Variants in DCAF1 observed in about 807,000 individuals in gnomAD.
DCAF1 encodes the protein DDB1- and CUL4-associated factor 1.
Under a neutral mutation model 128.0 loss-of-function variants are expected in DCAF1, and 15 were observed. That is an observed-to-expected ratio of 0.12 (90% CI 0.08 to 0.18). The LOEUF is 0.18. DCAF1 is among the 10% of genes least tolerant of loss of function. The pLI is 1.00. For missense variants in DCAF1, 988 were observed against 1,649.5 expected (o/e 0.60, Z 6.95); for synonymous variants, 610 against 603.0 (o/e 1.01, Z -0.17).
At chr3:51,463,592 G>A (rs1703831728) in intron 5 of DCAF1, among the ~76,000 whole-genome samples, 1 of 151,956 alleles carries the variant, frequency 6.6e-6, no homozygotes, top group African/African-American at 2.4e-5. Context: ...AAACCAGCCT[G>A]GACAACACGG....
At chr3:51,468,123 C>T (rs552795452) in intron 4 of DCAF1, among the ~76,000 whole-genome samples, 7 of 152,190 alleles carry the variant, frequency 4.6e-5, no homozygotes, top group Non-Finnish European at 1.0e-4. Flanking sequence ...CAACTCAATG[C>T]ATAGCCTAAC....
intron 2 of DCAF1, among the ~76,000 whole-genome samples, chr3:51,485,703 G>C (rs781902823): frequency 2.6e-5 from 4 of 152,060 alleles, no homozygotes; most frequent in Non-Finnish European, 4.4e-5. Flanking sequence ...AGAAATACAT[G>C]TAAAAGATGA....
chr3:51,409,419 A>T (rs1698197971), intron 23 of DCAF1, among the ~76,000 whole-genome samples: 1 of 152,158 alleles, frequency 6.6e-6, no homozygotes. Context: ...CCTCAAAGAC[A>T]GACACCAGGC....
chr3:51,426,582 C>A (rs982393035), intron 13 of DCAF1, among the ~76,000 whole-genome samples: 30 of 152,076 alleles, frequency 2.0e-4, no homozygotes, highest in African/African-American at 6.5e-4. Flanking sequence ...AACACAAAAA[C>A]AAAAGCCTTT....
intron 10 of DCAF1, among the ~76,000 whole-genome samples, chr3:51,431,519 CAAAAAAA>C (rs5848921): frequency 1.6e-5 from 1 of 64,132 alleles, no homozygotes; most frequent in African/African-American, 6.2e-5. Flanking sequence ...GATTCCGTCT[CAAAAAAA>C]AAAAAAAAAA....
At chr3:51,424,666 T>C (rs891868535) in intron 13 of DCAF1, among the ~76,000 whole-genome samples, 4 of 152,284 alleles carry the variant, frequency 2.6e-5, no homozygotes, top group Admixed American at 2.0e-4. Flanking sequence ...AACTGCAGTA[T>C]AGAAATACAG....
intron 12 of DCAF1, among the ~76,000 whole-genome samples, chr3:51,428,127 G>C (rs1700058049): frequency 6.6e-6 from 1 of 151,842 alleles, no homozygotes; most frequent in African/African-American, 2.4e-5. Context: ...AGTTTCCTTT[G>C]TGCATATAAG....
At chr3:51,436,066 CA>C (rs1467300208) in intron 9 of DCAF1, among the ~76,000 whole-genome samples, 2 of 152,196 alleles carry the variant, frequency 1.3e-5, no homozygotes, top group Non-Finnish European at 2.9e-5. Context: ...GGGGGCCTCT[CA>C]AAACTTCTGC....
intron 3 of DCAF1, among the ~76,000 whole-genome samples, chr3:51,480,843 G>C (rs1047250868): frequency 3.3e-5 from 5 of 151,638 alleles, no homozygotes; most frequent in African/African-American, 1.2e-4. Context: ...TACTAGAACC[G>C]TTTTTTTTAC....
chr3:51,466,157 G>A (rs1272688634), intron 5 of DCAF1, among the ~76,000 whole-genome samples: 1 of 152,160 alleles, frequency 6.6e-6, no homozygotes, highest in African/African-American at 2.4e-5. Context: ...AGCCAAGATT[G>A]TGCCACTGCA....
intron 2 of DCAF1, among the ~76,000 whole-genome samples, chr3:51,495,827 C>G (rs1708175395): frequency 6.6e-6 from 1 of 152,036 alleles, no homozygotes; most frequent in African/African-American, 2.4e-5. Context: ...GCTCTGCTGC[C>G]CAGGCGGGAG....
At chr3:51,475,420 A>C (rs1705311514) in intron 3 of DCAF1, among the ~76,000 whole-genome samples, 1 of 151,874 alleles carries the variant, frequency 6.6e-6, no homozygotes, top group Non-Finnish European at 1.5e-5. Flanking sequence ...TGGACAATAT[A>C]GTGAAATCCC....
intron 8 of DCAF1, 119 bp from the exon 9 acceptor site, chr3:51,441,190 A>T (rs1285762998): frequency 8.5e-7 from 1 of 1,174,776 alleles, no homozygotes; most frequent in Non-Finnish European, 1.2e-6. Context: ...CTCCCTGTGA[A>T]GATAAACGTG....
At chr3:51,486,651 T>C (rs1706992264) in intron 2 of DCAF1, among the ~76,000 whole-genome samples, 1 of 152,098 alleles carries the variant, frequency 6.6e-6, no homozygotes, top group East Asian at 1.9e-4. Flanking sequence ...TTTATTTTTT[T>C]GAGATGGCAT....
At chr3:51,440,276 G>T (rs200459469) in intron 9 of DCAF1, 1 of 397,190 alleles carries the variant, frequency 2.5e-6, no homozygotes, top group African/African-American at 2.1e-5. Flanking sequence ...AAAATGCAGA[G>T]AAATTACATG....
At chr3:51,418,401 C>T (rs1366393200) in intron 16 of DCAF1, among the ~76,000 whole-genome samples, 1 of 152,116 alleles carries the variant, frequency 6.6e-6, no homozygotes, top group Non-Finnish European at 1.5e-5. Flanking sequence ...AATAACCAAA[C>T]TTAAGAGAAT....
intron 23 of DCAF1, among the ~76,000 whole-genome samples, chr3:51,408,776 G>A (rs1283442567): frequency 6.6e-6 from 1 of 152,124 alleles, no homozygotes; most frequent in Admixed American, 6.5e-5. Flanking sequence ...AAATCAAAAT[G>A]CCAAGGGCTT....
At chr3:51,439,139 T>C (rs1701122101) in intron 9 of DCAF1, among the ~76,000 whole-genome samples, 1 of 152,022 alleles carries the variant, frequency 6.6e-6, no homozygotes. Context: ...GGTCTGCCTG[T>C]TTTGTTTTTT....
At chr3:51,415,291 G>A (rs1174411513) in intron 18 of DCAF1, among the ~76,000 whole-genome samples, 3 of 151,900 alleles carry the variant, frequency 2.0e-5, no homozygotes, top group African/African-American at 7.3e-5. Context: ...CCAGGAGTTC[G>A]AGACCAGCCT....
Sources: allele counts gnomAD v4.1 joint callset (sites outside exome capture counted in the v4.1 genomes callset), GRCh38; gene constraint gnomAD v4.1.1; transcripts MANE v1.5; gene names NCBI Gene and HGNC (gene_info 2026-07-23, HGNC 2026-07-21).